Variants in PITPNM3 observed in about 807,000 individuals in gnomAD.
PITPNM3 encodes the protein membrane-associated phosphatidylinositol transfer protein 3.
In PITPNM3, 26 loss-of-function variants were observed where a neutral mutation model predicts 102.0. The observed-to-expected ratio is 0.25, with a 90% CI of 0.19 to 0.35. The LOEUF (loss-of-function observed/expected upper bound fraction) is 0.35, where lower values mean the gene tolerates loss of function less well. PITPNM3 is among the 10% of genes least tolerant of loss of function. PITPNM3 has a pLI of 1.00. For synonymous variants in PITPNM3, 578 were observed against 558.6 expected (o/e 1.03, Z -0.49); for missense variants, 1,083 against 1,346.1 (o/e 0.80, Z 3.06).
Position 6,474,435 on chromosome 17 carries a change from C to A in PITPNM3, c.1255G>T (p.Asp419Tyr), listed in dbSNP as rs188933962. The change falls in exon 10 of 20, where the codon GAC (aspartate) becomes TAC (tyrosine). Residue 419 changes from aspartate to tyrosine, a missense_variant. Around this residue, in one of 5 missense-constraint regions of PITPNM3, gnomAD observed 410 missense variants for 638.4 expected, o/e 0.64. Coordinates refer to ENST00000262483, the MANE Select transcript of PITPNM3 (RefSeq NM_031220.4). The part of the protein sequence containing the change: ...AMRRTVLPGL[D>Y]GFQVRPACSQ... ...CCCCAGCCCACACCATCCCTACCGT[C>A]CAGCCCAGGCAGCACCGTCCTCCGC... 6.2e-7 allele frequency: 1 copy of A among 1,613,284 alleles called. No homozygotes were observed. The highest frequency in any genetic ancestry group is 1.7e-5 in the Admixed American group (1 of 60,016).
intron 3 of PITPNM3, among the ~76,000 whole-genome samples, chr17:6,518,641 G>A (rs1193925879): frequency 6.6e-6 from 1 of 152,092 alleles, no homozygotes; most frequent in Non-Finnish European, 1.5e-5. Context: ...ACTAAGTAGA[G>A]AAAACGGTAG....
Position 6,476,934 on chromosome 17 carries a change from GC to G in PITPNM3, c.1085+94del, listed in dbSNP as rs1347516333. 10 of 1,434,190 alleles carry G rather than the reference GC, an allele frequency of 7.0e-6. No homozygotes were observed. In the Admixed American group the frequency reaches 1.7e-4, roughly 25 times the overall value. 88.8% of individuals were successfully genotyped at this position (1,434,190 alleles called of 1,614,324 possible). A position where few individuals can be genotyped will look rare whatever the true frequency, so the allele number is the denominator to read the frequency against. Reference sequence around the variant, plus strand: ...CCAGCATTTCAGTGCTTATCTATGGGCCCCCATGGAAGGGCCTGGGACATCT... The same window carrying G: ...CCAGCATTTCAGTGCTTATCTATGGGCCCCATGGAAGGGCCTGGGACATCT... On this transcript the variant is annotated intron_variant, in intron 9 of 19. Coordinates refer to ENST00000262483, the MANE Select transcript of PITPNM3 (RefSeq NM_031220.4).
chr17:6,488,642 T>A (rs1422825439), intron 4 of PITPNM3, among the ~76,000 whole-genome samples: 6 of 152,110 alleles, frequency 3.9e-5, no homozygotes, highest in African/African-American at 1.4e-4. Context: ...TGCTTCAAAG[T>A]ACTCACAGGA....
intron 3 of PITPNM3, among the ~76,000 whole-genome samples, chr17:6,519,450 C>G (rs1048617638): frequency 6.8e-6 from 1 of 147,660 alleles, no homozygotes; most frequent in Non-Finnish European, 1.5e-5. Flanking sequence ...ACCTGGGAGG[C>G]GGGGCTTGCA....
Position 6,537,256 on chromosome 17 carries a change from C to CTTTTTTT in PITPNM3, c.118+724_118+730dup, listed in dbSNP as rs201959934. 2.3e-5 allele frequency among the ~76,000 whole-genome samples: 3 copies of CTTTTTTT among 128,282 alleles called. No homozygotes were observed. Among genetic ancestry groups the CTTTTTTT allele is most frequent in the African/African-American group, 9.5e-5 (3 of 31,736 alleles). 84.2% of individuals were successfully genotyped at this position (128,282 alleles called of 152,430 possible). Reference sequence around the variant, plus strand: ...TATGAGGCTCATTTATTTTTTCTTTCTTTTTTTTTTTTTTTTTTCTGAGAC... The same window carrying CTTTTTTT: ...TATGAGGCTCATTTATTTTTTCTTTCTTTTTTTTTTTTTTTTTTTTTTTTTCTGAGAC... On this transcript the variant is annotated intron_variant, in intron 2 of 19. Transcript: ENST00000262483. The surrounding 1 kb of genome is among the most constrained non-coding windows in gnomAD (Gnocchi z 4.4).
intron 4 of PITPNM3, among the ~76,000 whole-genome samples, chr17:6,500,683 T>C (rs1049189470): frequency 6.9e-6 from 1 of 145,424 alleles, no homozygotes; most frequent in Non-Finnish European, 1.5e-5. Context: ...GAACACTCTT[T>C]TTTTTTTTTT....
rs968266319 is a variant in PITPNM3 at position 6,454,102 on chromosome 17, C to G, written c.*1236G>C. On this transcript the variant is annotated 3_prime_UTR_variant, in exon 20 of 20. Coordinates refer to ENST00000262483, the MANE Select transcript of PITPNM3 (RefSeq NM_031220.4). ...GAATACAACAGTTGGAGCCAAACTT[C>G]CAGGAACCCCTAGAACCCTGGAATC... The G allele has an allele frequency of 6.6e-6, 1 of 152,374 alleles. No individual in the cohort carries two copies. Among genetic ancestry groups the G allele is most frequent in the Non-Finnish European group, 1.5e-5 (1 of 68,142 alleles). The allele number at this position is 152,374 out of a possible 1,614,324, so 9.4% of individuals were successfully genotyped here.
chr17:6,478,055 C>A lies in PITPNM3; in HGVS notation c.820G>T (p.Asp274Tyr), dbSNP rs750153181. Residue 274 changes from aspartate to tyrosine, a missense_variant, in exon 8 of 20, where the codon GAT (aspartate) becomes TAT (tyrosine). Around this residue, in one of 5 missense-constraint regions of PITPNM3, gnomAD observed 172 missense variants for 175.6 expected, o/e 0.98. Transcript: ENST00000262483. The surrounding 1 kb of genome is among the most constrained non-coding windows in gnomAD (Gnocchi z 4.4). ...GDCVGGLLAF[D>Y]AICYSAGPSG... ...GGCCCCGCACTGTAGCAGATGGCAT[C>A]GAAGGCCAGGAGGCCCCCCACACAG... The A allele has an allele frequency of 6.2e-7, 1 of 1,613,762 alleles. No individual in the cohort carries two copies.
chr17:6,492,160 T>C (rs899666396), intron 4 of PITPNM3, among the ~76,000 whole-genome samples: 2 of 147,774 alleles, frequency 1.4e-5, no homozygotes, highest in Non-Finnish European at 3.0e-5. Context: ...ACCTCCCGGG[T>C]TCCAGCAATT....
intron 6 of PITPNM3, among the ~76,000 whole-genome samples, chr17:6,483,030 C>T (rs1336498778): frequency 2.6e-5 from 4 of 151,824 alleles, no homozygotes; most frequent in South Asian, 2.1e-4. Context: ...CTGCAAGCTC[C>T]GCCTCCTGGG....
chr17:6,503,449 T>G, intron 4 of PITPNM3, 78 bp downstream of exon 4: 1 of 1,500,072 alleles, frequency 6.7e-7, no homozygotes, highest in Non-Finnish European at 9.2e-7. Context: ...TCTGAGTGGA[T>G]GAGAGGGGAC....
intron 4 of PITPNM3, among the ~76,000 whole-genome samples, chr17:6,490,962 C>CA (rs755419317): frequency 6.8e-4 from 35 of 51,694 alleles, no homozygotes; most frequent in Non-Finnish European, 7.9e-4. Context: ...ACTCTGTCAC[C>CA]AAAAAAAAAA....
intron 3 of PITPNM3, among the ~76,000 whole-genome samples, chr17:6,514,690 T>C (rs1330664524): frequency 6.6e-6 from 1 of 152,222 alleles, no homozygotes; most frequent in Admixed American, 6.5e-5. Flanking sequence ...TGGAAATGAA[T>C]TTGGCAGCTC....
chr17:6,466,074 G>A (rs9909301), intron 14 of PITPNM3, among the ~76,000 whole-genome samples: 87,383 of 151,986 alleles, frequency 0.57, 25,551 homozygotes, highest in Middle Eastern at 0.78. Context: ...TCTTCAGTCT[G>A]TCTCCTGCTG....
Position 6,454,835 on chromosome 17 carries a change from A to T in PITPNM3, c.*503T>A, listed in dbSNP as rs1447429673. 1 of 158,856 alleles carries T rather than the reference A, an allele frequency of 6.3e-6. No homozygotes were observed. Among genetic ancestry groups the T allele is most frequent in the East Asian group, 1.9e-4 (1 of 5,288 alleles). 9.8% of individuals were successfully genotyped at this position (158,856 alleles called of 1,614,324 possible). A position where few individuals can be genotyped will look rare whatever the true frequency, so the allele number is the denominator to read the frequency against. On this transcript the variant is annotated 3_prime_UTR_variant, in exon 20 of 20. Coordinates refer to ENST00000262483, the MANE Select transcript of PITPNM3 (RefSeq NM_031220.4). ...ACTCCCAGAAAGTGGCCATCTTGCC[A>T]TAAGAGCGCCAACCCCAAAATGGTG...
At position 6,538,070 on chromosome 17, in the gene PITPNM3, G is replaced by T. The variant is rs754290443; in HGVS notation, c.35C>A (p.Pro12Gln). 1.9e-6 allele frequency: 3 copies of T among 1,610,500 alleles called. No individual in the cohort carries two copies. The highest frequency in any genetic ancestry group is 3.3e-5 in the Admixed American group (2 of 59,982). The change falls in exon 2 of 20, where the codon CCG becomes CAG. Residue 12 changes from proline to glutamine, a missense_variant. By Grantham distance (76) the Pro-to-Gln change is moderately conservative. Transcript: ENST00000262483. ...AAGGTGCCAGGGGGCACCGCCGCCCGGGGGAGGACCACCTGTTAAAGGGAA... is the reference window on the plus strand; with the variant it reads ...AAGGTGCCAGGGGGCACCGCCGCCCTGGGGAGGACCACCTGTTAAAGGGAA... ...AKAGRAGGPP[P>Q]GGGAPWHLRN...
chr17:6,508,861 C>T (rs1008893367), intron 3 of PITPNM3, among the ~76,000 whole-genome samples: 14 of 152,256 alleles, frequency 9.2e-5, no homozygotes, highest in African/African-American at 3.1e-4. Context: ...CCCTGGAAAC[C>T]GCCAGCGAGG....
In PITPNM3 at chr17:6,545,860, C is replaced by A. The variant is rs571759583; in HGVS notation, c.23-7778G>T. Among the ~76,000 whole-genome samples, 11 of 152,334 alleles carry A rather than the reference C, an allele frequency of 7.2e-5. 2 individuals carry two copies. In the South Asian group the frequency reaches 2.3e-3, roughly 32 times the overall value. On this transcript the variant is annotated intron_variant, in intron 1 of 19. Transcript: ENST00000262483. ...CATTGGGCTGTGGGTTCCCCCTGAG[C>A]AGACACCTGGTAGGAATCCTCTCCA...
At chr17:6,516,200 CCCA>C (rs745446411) in intron 3 of PITPNM3, among the ~76,000 whole-genome samples, 52 of 152,132 alleles carry the variant, frequency 3.4e-4, no homozygotes, top group Non-Finnish European at 5.9e-4. Context: ...ATTCTCAGAA[CCCA>C]CCAAGGACCA....
Sources: allele counts gnomAD v4.1 joint callset (sites outside exome capture counted in the v4.1 genomes callset), GRCh38; gene constraint gnomAD v4.1.1; regional missense constraint gnomAD v4.1.1; non-coding constraint Gnocchi (gnomAD v3.1); transcripts MANE v1.5; gene names NCBI Gene and HGNC (gene_info 2026-07-23, HGNC 2026-07-21).